CTNNA3: variants seen among roughly 807,000 people sequenced by gnomAD.
CTNNA3 encodes catenin alpha-3.
In CTNNA3, 76 loss-of-function variants were observed where a neutral mutation model predicts 95.7. That is an observed-to-expected ratio of 0.79 (90% CI 0.66 to 0.96). The LOEUF is 0.96. Ranked by LOEUF, CTNNA3 falls within the 40% of genes least tolerant of loss-of-function variation. The pLI is 0.00. For synonymous variants in CTNNA3, 431 were observed against 374.4 expected, an observed-to-expected ratio of 1.15 and a Z score of -1.74; for missense variants, 1,191 against 1,089.8, an observed-to-expected ratio of 1.09 and a Z score of -1.31.
chr10:67,566,074 C>A (rs1236487995), intron 3 of CTNNA3, among the ~76,000 whole-genome samples: 41 of 27,522 alleles, frequency 1.5e-3, no homozygotes, highest in South Asian at 1.7e-3. Context: ...TATATATATA[C>A]AAAACCTAGG....
intron 7 of CTNNA3, among the ~76,000 whole-genome samples, chr10:67,117,382 C>T (rs1425834402): frequency 6.6e-6 from 1 of 152,014 alleles, no homozygotes; most frequent in African/African-American, 2.4e-5. Context: ...ATCTCCTTTC[C>T]CTTTCCTGTT....
chr10:66,753,164 C>G (rs1425637755), intron 9 of CTNNA3, among the ~76,000 whole-genome samples: 3 of 152,138 alleles, frequency 2.0e-5, no homozygotes, highest in African/African-American at 7.2e-5. Context: ...TATCTTGCAG[C>G]TGTGTAAGAC....
chr10:66,544,315 A>G (rs1333018019), intron 10 of CTNNA3, among the ~76,000 whole-genome samples: 1 of 152,024 alleles, frequency 6.6e-6, no homozygotes, highest in East Asian at 1.9e-4. Context: ...GTCTTAACTG[A>G]AGACTTAATG....
intron 11 of CTNNA3, among the ~76,000 whole-genome samples, chr10:66,444,150 G>A (rs1422930472): frequency 6.6e-6 from 1 of 152,140 alleles, no homozygotes; most frequent in African/African-American, 2.4e-5. Context: ...AACGAACAAA[G>A]CCTCCAAGAA....
chr10:66,815,573 A>C (rs1842044925), intron 7 of CTNNA3, among the ~76,000 whole-genome samples: 2 of 152,190 alleles, frequency 1.3e-5, no homozygotes, highest in African/African-American at 4.8e-5. Flanking sequence ...ATTTGACATG[A>C]TTTGAAATGT....
In CTNNA3 at chr10:66,787,702, T is replaced by C. The variant is rs947016634; in HGVS notation, c.1048-12178A>G. Among the ~76,000 whole-genome samples, 4 of 152,188 alleles carry C rather than the reference T, an allele frequency of 2.6e-5. No individual in the cohort carries two copies. In the East Asian group the frequency reaches 7.7e-4, roughly 29 times the overall value. On this transcript the variant is annotated intron_variant, in intron 7 of 17. Coordinates refer to ENST00000433211, the MANE Select transcript of CTNNA3 (RefSeq NM_013266.4). ...CGGTAGAAATTGGTAGCAAAAGATA[T>C]TCTTGTTTTCATTTCAACCAGCAAG...
chr10:66,522,342 T>C (rs904625549), intron 10 of CTNNA3, among the ~76,000 whole-genome samples: 7 of 152,134 alleles, frequency 4.6e-5, no homozygotes, highest in African/African-American at 1.4e-4. Flanking sequence ...AGGGGTTTGA[T>C]ATAGTTTGGC....
intron 5 of CTNNA3, among the ~76,000 whole-genome samples, chr10:67,333,738 C>T (rs1040813641): frequency 2.0e-5 from 3 of 152,180 alleles, no homozygotes; most frequent in Admixed American, 6.5e-5. Flanking sequence ...AGCTATCACA[C>T]TGTCCTTTAA....
At chr10:66,668,544 G>A (rs2132464671) in intron 9 of CTNNA3, among the ~76,000 whole-genome samples, 1 of 151,818 alleles carries the variant, frequency 6.6e-6, no homozygotes, top group East Asian at 1.9e-4. Flanking sequence ...CGGGTGCGGT[G>A]GTTCATGTCT....
chr10:67,701,808 C>A (rs1841042557), intron 1 of CTNNA3, among the ~76,000 whole-genome samples: 2 of 151,472 alleles, frequency 1.3e-5, no homozygotes, highest in African/African-American at 4.8e-5. Context: ...ACTAAATGCT[C>A]CAATTAAAAG....
intron 16 of CTNNA3, among the ~76,000 whole-genome samples, chr10:65,977,337 T>G (rs952942292): frequency 6.6e-6 from 1 of 152,180 alleles, no homozygotes; most frequent in Non-Finnish European, 1.5e-5. Context: ...AATACATCAT[T>G]TAGTAATGAG....
chr10:67,462,197 C>G (rs1847404810), intron 5 of CTNNA3, among the ~76,000 whole-genome samples: 2 of 152,108 alleles, frequency 1.3e-5, no homozygotes, highest in Admixed American at 6.6e-5. Flanking sequence ...CCCTCAATTC[C>G]AAGTGAAAAT....
At chr10:66,268,529 C>T (rs1475621478) in intron 13 of CTNNA3, among the ~76,000 whole-genome samples, 5 of 152,292 alleles carry the variant, frequency 3.3e-5, no homozygotes, top group Admixed American at 3.3e-4. Flanking sequence ...AAGAAGGAGT[C>T]TGTACCCTTT....
chr10:66,559,887 C>G (rs1346373197), intron 10 of CTNNA3, among the ~76,000 whole-genome samples: 3 of 152,058 alleles, frequency 2.0e-5, no homozygotes, highest in African/African-American at 7.2e-5. Flanking sequence ...TTTACTTTCA[C>G]TGAAATAATA....
intron 15 of CTNNA3, among the ~76,000 whole-genome samples, chr10:66,042,935 T>C (rs867010013): frequency 8.7e-5 from 7 of 80,214 alleles, no homozygotes; most frequent in Non-Finnish European, 1.7e-4. Flanking sequence ...AAAAAGAAAA[T>C]AAAAATAATG....
At chr10:67,229,886 A>G (rs764031993) in intron 5 of CTNNA3, among the ~76,000 whole-genome samples, 49 of 152,296 alleles carry the variant, frequency 3.2e-4, no homozygotes, top group Non-Finnish European at 6.0e-4. Context: ...TGTGAAAATA[A>G]CCATGCTGCC....
intron 5 of CTNNA3, among the ~76,000 whole-genome samples, chr10:67,292,959 C>A (rs1839894733): frequency 6.6e-6 from 1 of 151,518 alleles, no homozygotes; most frequent in Non-Finnish European, 1.5e-5. Context: ...CCTCTTTGTC[C>A]AATACTAGAT....
At chr10:66,014,812 C>G (rs545331275) in intron 15 of CTNNA3, among the ~76,000 whole-genome samples, 1 of 152,202 alleles carries the variant, frequency 6.6e-6, no homozygotes, top group South Asian at 2.1e-4. Flanking sequence ...CGCTATATAA[C>G]TTTTTGATTT....
intron 13 of CTNNA3, among the ~76,000 whole-genome samples, chr10:66,250,086 C>G (rs1379455111): frequency 1.3e-5 from 2 of 152,080 alleles, no homozygotes; most frequent in Non-Finnish European, 2.9e-5. Flanking sequence ...AAGATCCTGT[C>G]ATTTGCAACA....
Sources: allele counts gnomAD v4.1 joint callset (sites outside exome capture counted in the v4.1 genomes callset), GRCh38; gene constraint gnomAD v4.1.1; transcripts MANE v1.5; gene names NCBI Gene and HGNC (gene_info 2026-07-23, HGNC 2026-07-21).